Variants in CSMD3 observed in about 807,000 individuals in gnomAD.
CSMD3 encodes the protein CUB and Sushi multiple domains 3.
CSMD3 carries 177 observed loss-of-function variants against 435.2 expected under a neutral mutation model. That is an observed-to-expected ratio of 0.41 (90% CI 0.36 to 0.46). CSMD3 has a LOEUF of 0.46. Among genes scored for constraint, CSMD3 ranks in the 20% least tolerant of loss-of-function variants. The pLI is 0.34. For synonymous variants in CSMD3, 1,656 were observed against 1,520.5 expected (o/e 1.09, Z -2.07); for missense variants, 4,265 against 4,504.6 (o/e 0.95, Z 1.52).
intron 35 of CSMD3, among the ~76,000 whole-genome samples, chr8:112,396,493 C>T (rs966992241): frequency 3.1e-4 from 47 of 152,248 alleles, no homozygotes; most frequent in African/African-American, 1.1e-3. Flanking sequence ...TTTGAAACCT[C>T]AGATTTGTGA....
intron 5 of CSMD3, among the ~76,000 whole-genome samples, chr8:113,087,425 G>A (rs972333598): frequency 3.3e-5 from 5 of 151,358 alleles, no homozygotes; most frequent in Non-Finnish European, 7.4e-5. Context: ...AAAGAACAAA[G>A]CTGGAGGCAT....
intron 1 of CSMD3, among the ~76,000 whole-genome samples, chr8:113,319,615 T>C (rs899976847): frequency 6.6e-6 from 1 of 151,996 alleles, no homozygotes; most frequent in South Asian, 2.1e-4. Context: ...TTTGGAGTGG[T>C]ATCAAAATTA....
rs1217769592 is a variant in CSMD3 at position 112,517,018 on chromosome 8, G to A, written c.4756+16C>T. 3.1e-6 allele frequency: 5 copies of A among 1,592,930 alleles called. No homozygotes were observed. The highest frequency in any genetic ancestry group is 4.3e-6 in the Non-Finnish European group (5 of 1,162,202). ...TTTATGTTTATATAAAATTTTAATT[G>A]TTCTTTAATTCATACCTATACAGAC... On this transcript the variant is annotated intron_variant, in intron 28 of 70. Transcript: ENST00000297405.
At chr8:113,208,516 A>G (rs574005276) in intron 3 of CSMD3, among the ~76,000 whole-genome samples, 1 of 152,294 alleles carries the variant, frequency 6.6e-6, no homozygotes, top group East Asian at 1.9e-4. Flanking sequence ...TCTCCATAAT[A>G]ATAATGTATT....
intron 32 of CSMD3, among the ~76,000 whole-genome samples, chr8:112,464,911 A>ATTATT (rs1381361224): frequency 6.6e-6 from 1 of 152,196 alleles, no homozygotes. Flanking sequence ...TTTAATCATC[A>ATTATT]GCGTTATTGC....
chr8:113,346,279 T>C (rs368230513), intron 1 of CSMD3, among the ~76,000 whole-genome samples: 1 of 152,024 alleles, frequency 6.6e-6, no homozygotes, highest in Non-Finnish European at 1.5e-5. Context: ...CTTGATATAT[T>C]AACTTTCTGA....
chr8:112,226,050 C>T (rs545033335), intron 70 of CSMD3, among the ~76,000 whole-genome samples: 56 of 152,130 alleles, frequency 3.7e-4, no homozygotes, highest in African/African-American at 1.3e-3. Flanking sequence ...ACTGAACAAT[C>T]GAATTTCAAC....
In CSMD3 at chr8:112,690,061, A is replaced by G. The variant is rs777545533; in HGVS notation, c.1973-11T>C. 1 of 1,609,672 alleles carries G rather than the reference A, an allele frequency of 6.2e-7. No homozygotes were observed. Among genetic ancestry groups the G allele is most frequent in the South Asian group, 1.1e-5 (1 of 90,980 alleles). On this transcript the variant is annotated splice_polypyrimidine_tract_variant and intron_variant, in intron 13 of 70. Coordinates refer to ENST00000297405, the MANE Select transcript of CSMD3 (RefSeq NM_198123.2). ...TTTCTTTCTCAATTTCTGGAAAAAT[A>G]GAAGATAAAAGTCACCTTCCAAGGG...
In CSMD3 at chr8:112,337,147, T is replaced by C. The variant is rs114188979; in HGVS notation, c.6842-318A>G. Among the ~76,000 whole-genome samples, 223 of 152,284 alleles carry C rather than the reference T, an allele frequency of 1.5e-3. 1 individual carries two copies. Among genetic ancestry groups the C allele is most frequent in the African/African-American group, 5.2e-3 (217 of 41,580 alleles). ...ACTTTCATTTGCCTCTTACTATGTG[T>C]ACATATAAGGCCTTATAAGAGGTTC... is the stretch of plus-strand genomic sequence containing the variant. On this transcript the variant is annotated intron_variant, in intron 43 of 70. Transcript: ENST00000297405.
At chr8:113,231,808 G>T (rs760188443) in intron 3 of CSMD3, among the ~76,000 whole-genome samples, 1 of 151,404 alleles carries the variant, frequency 6.6e-6, no homozygotes, top group Non-Finnish European at 1.5e-5. Flanking sequence ...AGTGATATTA[G>T]AACAACTGGT....
At chr8:112,237,786 G>C (rs907740162) in intron 66 of CSMD3, among the ~76,000 whole-genome samples, 1 of 152,054 alleles carries the variant, frequency 6.6e-6, no homozygotes, top group African/African-American at 2.4e-5. Context: ...CAAAGAGAAA[G>C]GTCCTGCAAA....
chr8:112,801,104 A>T (rs1163429704), intron 12 of CSMD3, among the ~76,000 whole-genome samples: 1 of 152,054 alleles, frequency 6.6e-6, no homozygotes, highest in East Asian at 1.9e-4. Context: ...GAGATTCTAA[A>T]TTATATACAG....
intron 19 of CSMD3, among the ~76,000 whole-genome samples, chr8:112,648,087 T>C (rs1274112132): frequency 6.6e-6 from 1 of 152,180 alleles, no homozygotes; most frequent in Non-Finnish European, 1.5e-5. Flanking sequence ...TACACAAGCA[T>C]TAGGCAACCT....
chr8:113,286,117 T>C (rs1344158622), intron 2 of CSMD3, among the ~76,000 whole-genome samples: 2 of 152,080 alleles, frequency 1.3e-5, no homozygotes, highest in East Asian at 3.9e-4. Context: ...TCCAACCCCA[T>C]CTTAGCATTT....
chr8:112,330,449 AAAC>A (rs1823928482), intron 45 of CSMD3, among the ~76,000 whole-genome samples: 1 of 152,130 alleles, frequency 6.6e-6, no homozygotes. Context: ...TAATTGGCTT[AAAC>A]ACCATAAAAT....
chr8:113,307,628 TGTCAAATAAATGCTATA>T (rs562084640), intron 2 of CSMD3, among the ~76,000 whole-genome samples: 1 of 152,302 alleles, frequency 6.6e-6, no homozygotes, highest in South Asian at 2.1e-4. Context: ...TGCATGTATT[TGTCAAATAAATGCTATA>T]AAGATTGCAA....
At chr8:113,114,773 C>T (rs935254723) in intron 4 of CSMD3, among the ~76,000 whole-genome samples, 2 of 152,086 alleles carry the variant, frequency 1.3e-5, no homozygotes, top group African/African-American at 4.8e-5. Flanking sequence ...TTTCTGATGG[C>T]AGCCTAGTTT....
intron 51 of CSMD3, among the ~76,000 whole-genome samples, 183 bp from the exon 52 acceptor site, chr8:112,305,098 G>A (rs546667223): frequency 7.4e-4 from 112 of 152,102 alleles, no homozygotes; most frequent in African/African-American, 2.6e-3. Context: ...GGTATTGCTG[G>A]CAGTCTGGAA....
At chr8:112,307,091 T>A (rs1821495175) in intron 50 of CSMD3, among the ~76,000 whole-genome samples, 2 of 152,020 alleles carry the variant, frequency 1.3e-5, no homozygotes, top group East Asian at 3.9e-4. Context: ...AAGTATATAT[T>A]TGGTAGCAAT....
Sources: allele counts gnomAD v4.1 joint callset (sites outside exome capture counted in the v4.1 genomes callset), GRCh38; gene constraint gnomAD v4.1.1; transcripts MANE v1.5; gene names NCBI Gene and HGNC (gene_info 2026-07-23, HGNC 2026-07-21).